Variants in GPHN observed in about 807,000 individuals in gnomAD.
GPHN encodes gephyrin.
A neutral mutation model predicts 95.5 loss-of-function variants in GPHN; 17 were observed. That is an observed-to-expected ratio of 0.18 (90% confidence interval 0.12 to 0.27). GPHN has a LOEUF of 0.27. GPHN is among the 10% of genes least tolerant of loss of function. GPHN has a pLI of 1.00. For synonymous variants in GPHN, 320 were observed against 322.5 expected, an observed-to-expected ratio of 0.99 and a Z score of 0.08; for missense variants, 660 against 978.1, an observed-to-expected ratio of 0.67 and a Z score of 4.34.
the GPHN span, chr14:67,303,446 G>T: frequency 8.5e-7 from 1 of 1,175,648 alleles, no homozygotes. Flanking sequence ...TCCAGTTTAG[G>T]GAATATAGAT....
intron 1 of GPHN, among the ~76,000 whole-genome samples, chr14:66,584,702 G>A (rs946575387): frequency 4.1e-4 from 62 of 152,076 alleles, no homozygotes; most frequent in African/African-American, 1.4e-3. Context: ...ATTGATTTTC[G>A]TATGTTGAGC....
At chr14:67,279,252 G>C in the GPHN span, 1 of 1,613,864 alleles carries the variant, frequency 6.2e-7, no homozygotes, top group East Asian at 2.2e-5. Flanking sequence ...ATCACCAGAG[G>C]AACATCAGAA....
chr14:66,531,151 G>C (rs2058919586), intron 1 of GPHN, among the ~76,000 whole-genome samples: 1 of 151,834 alleles, frequency 6.6e-6, no homozygotes. Flanking sequence ...TCGTCATGTT[G>C]GCCAGGCTGG....
At chr14:67,623,421 T>C in the GPHN span, among the ~76,000 whole-genome samples, 1 of 152,158 alleles carries the variant, frequency 6.6e-6, no homozygotes. Context: ...GGTGTTACCA[T>C]AGCATGAGTT....
chr14:67,552,046 G>A, the GPHN span, among the ~76,000 whole-genome samples: 1 of 152,216 alleles, frequency 6.6e-6, no homozygotes, highest in African/African-American at 2.4e-5. Flanking sequence ...CTCACAGCGT[G>A]TGACAAGGAG....
the GPHN span, chr14:67,374,671 C>T: frequency 8.3e-6 from 5 of 604,048 alleles, no homozygotes; most frequent in Non-Finnish European, 1.3e-5. Context: ...CAAATTAGTA[C>T]TAGAAGTGTT....
chr14:67,417,251 G>C, the GPHN span, among the ~76,000 whole-genome samples: 1 of 152,104 alleles, frequency 6.6e-6, no homozygotes, highest in African/African-American at 2.4e-5. Flanking sequence ...TCTCTAATAT[G>C]GGCTAATAGC....
intron 18 of GPHN, among the ~76,000 whole-genome samples, chr14:67,144,269 A>ATG (rs2080748326): frequency 8.8e-6 from 1 of 113,946 alleles, no homozygotes; most frequent in African/African-American, 3.6e-5. Flanking sequence ...ATATATATAT[A>ATG]TATATATATA....
At chr14:66,561,936 T>A (rs962961137) in intron 1 of GPHN, among the ~76,000 whole-genome samples, 12 of 149,362 alleles carry the variant, frequency 8.0e-5, no homozygotes, top group South Asian at 6.2e-4. Context: ...CCTTAGCTCA[T>A]GGCCTCTTTT....
chr14:67,071,873 G>A (rs1202656092), intron 11 of GPHN, among the ~76,000 whole-genome samples: 1 of 151,882 alleles, frequency 6.6e-6, no homozygotes, highest in Non-Finnish European at 1.5e-5. Flanking sequence ...ATCTCTTTAA[G>A]CAATTTTAGT....
intron 1 of GPHN, among the ~76,000 whole-genome samples, chr14:66,532,632 A>C (rs549178130): frequency 1.3e-5 from 2 of 152,340 alleles, no homozygotes; most frequent in East Asian, 3.9e-4. Flanking sequence ...CTCAAATTGA[A>C]CTAGCTTTAG....
chr14:66,609,924 CTG>C (rs2062709782), intron 1 of GPHN, among the ~76,000 whole-genome samples: 1 of 152,134 alleles, frequency 6.6e-6, no homozygotes, highest in Non-Finnish European at 1.5e-5. Context: ...TCTGAATTGT[CTG>C]TCATTTCAGT....
At chr14:67,530,531 C>A in the GPHN span, among the ~76,000 whole-genome samples, 1 of 152,190 alleles carries the variant, frequency 6.6e-6, no homozygotes, top group East Asian at 1.9e-4. Flanking sequence ...AGTGACTCTC[C>A]TGTAACTCCT....
the GPHN span, chr14:67,292,634 A>C: frequency 6.2e-7 from 1 of 1,613,752 alleles, no homozygotes; most frequent in Non-Finnish European, 8.5e-7. Flanking sequence ...AATGCATTTA[A>C]GATACACAAT....
chr14:67,200,106 G>A, the GPHN span: 461 of 1,035,928 alleles, frequency 4.5e-4, 1 homozygote, highest in African/African-American at 6.6e-3. Flanking sequence ...CTCCTCCAAT[G>A]GGCATGCCCC....
chr14:67,301,417 A>C, the GPHN span: 1 of 1,610,666 alleles, frequency 6.2e-7, no homozygotes, highest in Non-Finnish European at 8.5e-7. Context: ...CCAGTTCATC[A>C]TAAGGAAGGA....
At chr14:67,184,818 T>C (rs915041205), downstream of GPHN, among the ~76,000 whole-genome samples, 8 of 152,058 alleles carry the variant, frequency 5.3e-5, no homozygotes, top group African/African-American at 1.9e-4. Context: ...ATGGAAAAGA[T>C]TATCAAGAAA....
At chr14:67,151,624 T>C (rs2153711146) in intron 18 of GPHN, among the ~76,000 whole-genome samples, 1 of 152,272 alleles carries the variant, frequency 6.6e-6, no homozygotes, top group Middle Eastern at 3.4e-3. Flanking sequence ...CAAGGAAAGA[T>C]GTACCCTTTG....
intron 1 of GPHN, among the ~76,000 whole-genome samples, chr14:66,570,489 A>C (rs565619965): frequency 6.6e-6 from 1 of 151,806 alleles, no homozygotes; most frequent in African/African-American, 2.4e-5. Context: ...TATTTTTGGG[A>C]GGGACAGGGT....
Sources: allele counts gnomAD v4.1 joint callset (sites outside exome capture counted in the v4.1 genomes callset), GRCh38; gene constraint gnomAD v4.1.1; transcripts MANE v1.5; gene names NCBI Gene and HGNC (gene_info 2026-07-23, HGNC 2026-07-21).